CREB5: variants seen among roughly 807,000 people sequenced by gnomAD.
CREB5 encodes the protein cAMP responsive element binding protein 5.
Under a neutral mutation model 57.1 loss-of-function variants are expected in CREB5, and 19 were observed. That is an observed-to-expected ratio of 0.33 (90% confidence interval 0.23 to 0.49). CREB5 has a LOEUF of 0.49. CREB5 is among the 20% of genes least tolerant of loss of function. The pLI, the probability that CREB5 is intolerant of heterozygous loss-of-function variation, is 0.99. For synonymous variants in CREB5, 238 were observed against 238.3 expected, an observed-to-expected ratio of 1.00 and a Z score of 0.01; for missense variants, 579 against 671.6, an observed-to-expected ratio of 0.86 and a Z score of 1.52.
At chr7:28,684,318 C>G (rs1177190844) in intron 5 of CREB5, among the ~76,000 whole-genome samples, 1 of 152,196 alleles carries the variant, frequency 6.6e-6, no homozygotes, top group African/African-American at 2.4e-5. Flanking sequence ...TATGGCTGAT[C>G]ACCTCTAATT....
chr7:28,436,035 C>A (rs1010835055), intron 1 of CREB5, among the ~76,000 whole-genome samples: 1 of 152,046 alleles, frequency 6.6e-6, no homozygotes, highest in Non-Finnish European at 1.5e-5. Context: ...TTTCAAAGAC[C>A]TTTTGAAAAC....
intron 5 of CREB5, among the ~76,000 whole-genome samples, chr7:28,576,352 G>C (rs750928104): frequency 1.3e-5 from 2 of 152,204 alleles, no homozygotes; most frequent in African/African-American, 4.8e-5. Flanking sequence ...AGAGGTAGCT[G>C]TTATTTACCC....
At chr7:28,379,346 CAATTT>C (rs1786912303) in intron 1 of CREB5, among the ~76,000 whole-genome samples, 2 of 152,200 alleles carry the variant, frequency 1.3e-5, no homozygotes, top group African/African-American at 4.8e-5. Context: ...CAAAGCAATT[CAATTT>C]GTTTATCACA....
At chr7:28,704,020 T>C (rs1583579732) in intron 5 of CREB5, among the ~76,000 whole-genome samples, 1 of 152,200 alleles carries the variant, frequency 6.6e-6, no homozygotes, top group Non-Finnish European at 1.5e-5. Flanking sequence ...GTGAAATGTT[T>C]TTCCTGGCAG....
intron 1 of CREB5, among the ~76,000 whole-genome samples, chr7:28,305,926 C>CGTGT (rs139654206): frequency 5.3e-5 from 8 of 150,378 alleles, no homozygotes; most frequent in Non-Finnish European, 1.2e-4. Flanking sequence ...ATAGTGTGTG[C>CGTGT]GTGTGTGTGT....
intron 1 of CREB5, among the ~76,000 whole-genome samples, chr7:28,343,705 T>C (rs907143027): frequency 6.6e-6 from 1 of 152,224 alleles, no homozygotes; most frequent in Non-Finnish European, 1.5e-5. Context: ...GACATACTGG[T>C]TTCATTTCTT....
intron 1 of CREB5, among the ~76,000 whole-genome samples, chr7:28,356,535 C>A (rs1194261070): frequency 6.6e-6 from 1 of 152,200 alleles, no homozygotes; most frequent in Admixed American, 6.5e-5. Context: ...GATCAATAGG[C>A]TTTTGGGGGC....
At chr7:28,556,719 G>T (rs1358297349) in intron 4 of CREB5, among the ~76,000 whole-genome samples, 2 of 152,028 alleles carry the variant, frequency 1.3e-5, no homozygotes, top group Non-Finnish European at 2.9e-5. Flanking sequence ...CTCTGTTCTT[G>T]CCCTGAAAGC....
intron 7 of CREB5, among the ~76,000 whole-genome samples, chr7:28,730,227 A>C (rs934989257): frequency 6.6e-6 from 1 of 152,170 alleles, no homozygotes; most frequent in Non-Finnish European, 1.5e-5. Flanking sequence ...TCTATCAACC[A>C]GACTAAAGTG....
intron 1 of CREB5, among the ~76,000 whole-genome samples, chr7:28,459,649 T>C (rs563730025): frequency 6.6e-6 from 1 of 152,316 alleles, no homozygotes; most frequent in East Asian, 1.9e-4. Flanking sequence ...GATTGGCTGA[T>C]GTGTCTGCTG....
intron 7 of CREB5, among the ~76,000 whole-genome samples, chr7:28,738,917 A>G (rs1804186041): frequency 6.6e-6 from 1 of 152,210 alleles, no homozygotes; most frequent in South Asian, 2.1e-4. Flanking sequence ...TTTATTGAGC[A>G]CTTTTAAAAT....
intron 5 of CREB5, among the ~76,000 whole-genome samples, chr7:28,631,970 G>T (rs1040827806): frequency 6.6e-6 from 1 of 152,108 alleles, no homozygotes; most frequent in Non-Finnish European, 1.5e-5. Context: ...CTGGAGAAAA[G>T]GAGTCAATGA....
intron 1 of CREB5, among the ~76,000 whole-genome samples, chr7:28,400,907 T>C (rs921722218): frequency 6.6e-6 from 1 of 152,226 alleles, no homozygotes; most frequent in African/African-American, 2.4e-5. Context: ...TATTAATTTA[T>C]GGGATATCAA....
intron 1 of CREB5, among the ~76,000 whole-genome samples, chr7:28,478,546 AT>A (rs1183200240): frequency 1.3e-5 from 2 of 152,172 alleles, no homozygotes; most frequent in Non-Finnish European, 1.5e-5. Context: ...TTAAAGCAGA[AT>A]TTAGAAGCTT....
At chr7:28,507,526 A>AAGGGG in intron 3 of CREB5, 90 bp from the exon 4 acceptor site, 1 of 1,449,960 alleles carries the variant, frequency 6.9e-7, no homozygotes, top group Non-Finnish European at 9.3e-7. Context: ...TAATTAAGGC[A>AAGGGG]AGGGGAGGGG....
At chr7:28,340,496 G>A (rs1160191478) in intron 1 of CREB5, among the ~76,000 whole-genome samples, 1 of 151,644 alleles carries the variant, frequency 6.6e-6, no homozygotes, top group Non-Finnish European at 1.5e-5. Flanking sequence ...CCATGGTTAG[G>A]CTGGTCTCTA....
intron 2 of CREB5, among the ~76,000 whole-genome samples, chr7:28,489,670 A>T (rs939374696): frequency 1.3e-5 from 2 of 152,224 alleles, no homozygotes; most frequent in African/African-American, 4.8e-5. Flanking sequence ...GGAAGAGGCC[A>T]TAGAAATAAA....
At chr7:28,304,196 G>T (rs141352752) in intron 1 of CREB5, among the ~76,000 whole-genome samples, 7 of 152,102 alleles carry the variant, frequency 4.6e-5, no homozygotes, top group Admixed American at 3.9e-4. Context: ...CAATTTTTGC[G>T]TGTGACCAGA....
intron 4 of CREB5, among the ~76,000 whole-genome samples, chr7:28,515,566 T>C (rs1381203320): frequency 6.6e-6 from 1 of 152,016 alleles, no homozygotes; most frequent in Non-Finnish European, 1.5e-5. Context: ...CCATACAAAC[T>C]CACCACCATG....
Sources: gnomAD v4.1 joint callset for allele counts (sites outside exome capture counted in the v4.1 genomes callset) on GRCh38, gnomAD v4.1.1 for gene constraint, MANE v1.5 for transcripts, NCBI Gene and HGNC (gene_info 2026-07-23, HGNC 2026-07-21) for gene names.